Variants in ATP8A1 observed in about 807,000 individuals in gnomAD.
ATP8A1 encodes the protein phospholipid-transporting ATPase IA.
ATP8A1 carries 90 observed loss-of-function variants against 177.7 expected under a neutral mutation model. That is an observed-to-expected ratio of 0.51 (90% CI 0.43 to 0.60). The LOEUF is 0.60. Among genes scored for constraint, ATP8A1 ranks in the 20% least tolerant of loss-of-function variants. The probability of loss-of-function intolerance (pLI) is 0.00; values close to 1 mark genes in which losing one functional copy is unlikely to be tolerated. For synonymous variants in ATP8A1, 493 were observed against 485.9 expected (o/e 1.01, Z -0.19); for missense variants, 1,072 against 1,392.8 (o/e 0.77, Z 3.67).
intron 15 of ATP8A1, among the ~76,000 whole-genome samples, chr4:42,563,293 T>C (rs1001522187): frequency 2.0e-5 from 3 of 152,288 alleles, no homozygotes; most frequent in Admixed American, 6.5e-5. Context: ...CCCTAGAGAT[T>C]TGTGGAACTT....
chr4:42,517,021 C>T (rs1278483721), intron 22 of ATP8A1, among the ~76,000 whole-genome samples: 1 of 152,106 alleles, frequency 6.6e-6, no homozygotes, highest in Non-Finnish European at 1.5e-5. Context: ...CTGATTTAGG[C>T]CAGGCACGGT....
intron 35 of ATP8A1, among the ~76,000 whole-genome samples, chr4:42,419,821 G>C (rs917134892): frequency 6.6e-6 from 1 of 152,214 alleles, no homozygotes; most frequent in East Asian, 1.9e-4. Context: ...GGCCAACATA[G>C]TGAAACCCCG....
intron 36 of ATP8A1, 119 bp downstream of exon 36, chr4:42,414,508 C>A: frequency 1.1e-6 from 1 of 875,430 alleles, no homozygotes; most frequent in Non-Finnish European, 1.8e-6. Context: ...TACAAATATG[C>A]AAAACTTATT....
intron 4 of ATP8A1, among the ~76,000 whole-genome samples, chr4:42,618,572 G>A (rs1737141483): frequency 6.6e-6 from 1 of 152,126 alleles, no homozygotes; most frequent in South Asian, 2.1e-4. Flanking sequence ...TAATACCTTT[G>A]TCTCCCTCTC....
intron 30 of ATP8A1, among the ~76,000 whole-genome samples, chr4:42,449,186 T>C (rs1315693466): frequency 6.6e-6 from 1 of 152,248 alleles, no homozygotes; most frequent in African/African-American, 2.4e-5. Flanking sequence ...CTGCAGTCTC[T>C]GGTTCAATCC....
chr4:42,509,209 A>T (rs971050258), intron 22 of ATP8A1, among the ~76,000 whole-genome samples: 1 of 152,248 alleles, frequency 6.6e-6, no homozygotes, highest in Non-Finnish European at 1.5e-5. Flanking sequence ...TAAAGGCCAT[A>T]TAGAAGACAA....
chr4:42,579,927 C>T lies in ATP8A1; in HGVS notation c.886G>A (p.Val296Ile). The T allele has an allele frequency of 6.2e-7, 1 of 1,612,572 alleles. No homozygotes were observed. Among genetic ancestry groups the T allele is most frequent in the Non-Finnish European group, 8.5e-7 (1 of 1,179,044 alleles). The stretch of plus-strand genomic sequence containing the variant: ...ATACAAAATAAAATCAAAATTTGTA[C>T]ATTTGTAATCCGTTCCACATTTGAG... ...KLSNVERITN[V>I]QILILFCILI... is the part of the protein sequence containing the mutation. The change falls in exon 11 of 37, where the codon GTA becomes ATA. Residue 296 changes from valine (V) to isoleucine (I), a missense_variant. Val to Ile is a conservative substitution (Grantham distance 29). This residue lies in a region of ATP8A1 where 344 missense variants were observed against 393.5 expected (regional missense o/e 0.87). Transcript: ENST00000381668.
At chr4:42,634,463 T>G (rs1739071157) in intron 1 of ATP8A1, among the ~76,000 whole-genome samples, 1 of 152,226 alleles carries the variant, frequency 6.6e-6, no homozygotes, top group Non-Finnish European at 1.5e-5. Context: ...AATAGAATTC[T>G]CTTTACAGCC....
chr4:42,443,757 TTAAC>T (rs1716901663), intron 32 of ATP8A1, 85 bp from the exon 33 acceptor site: 1 of 671,412 alleles, frequency 1.5e-6, no homozygotes, highest in Admixed American at 2.5e-5. Context: ...AATTCCCTTA[TTAAC>T]TTTTTATTAT....
intron 1 of ATP8A1, among the ~76,000 whole-genome samples, chr4:42,650,730 G>C (rs116292327): frequency 0.023 from 3,468 of 152,238 alleles, 56 homozygotes; most frequent in Non-Finnish European, 0.036. Context: ...GTATTCAACA[G>C]AAGAAAACAC....
At position 42,464,706 on chromosome 4, in the gene ATP8A1, A is replaced by T; in HGVS notation, c.2603T>A (p.Val868Glu). 1.3e-6 allele frequency: 2 copies of T among 1,589,670 alleles called. No individual in the cohort carries two copies. Among genetic ancestry groups the T allele is most frequent in the Non-Finnish European group, 1.7e-6 (2 of 1,158,902 alleles). The change falls in exon 27 of 37, where the codon GTG (valine) becomes GAG (glutamate). Residue 868 changes from valine (V) to glutamate (E), a missense_variant. Coordinates refer to ENST00000381668, the MANE Select transcript of ATP8A1 (RefSeq NM_006095.2). ...TGCTATTACCTCGATAATATAGAGCACTATATTCTTGTAGAAGCAGTATAA... is the reference window on the plus strand; with the variant it reads ...TGCTATTACCTCGATAATATAGAGCTCTATATTCTTGTAGAAGCAGTATAA... Reference protein sequence around the residue: ...CILYCFYKNIVLYIIEIWFAF... With the variant: ...CILYCFYKNIELYIIEIWFAF...
chr4:42,630,846 T>C (rs1224191092), intron 1 of ATP8A1, among the ~76,000 whole-genome samples: 1 of 152,172 alleles, frequency 6.6e-6, no homozygotes, highest in Non-Finnish European at 1.5e-5. Context: ...TGACCTTAGA[T>C]AGTTACTTAC....
At chr4:42,507,332 T>C (rs1369303463) in intron 22 of ATP8A1, among the ~76,000 whole-genome samples, 178 bp from the exon 23 acceptor site, 1 of 152,194 alleles carries the variant, frequency 6.6e-6, no homozygotes, top group Non-Finnish European at 1.5e-5. Flanking sequence ...ATGCAGTCTT[T>C]AGGCATTACA....
intron 35 of ATP8A1, among the ~76,000 whole-genome samples, chr4:42,419,542 G>A (rs1713625951): frequency 6.6e-6 from 1 of 152,152 alleles, no homozygotes; most frequent in African/African-American, 2.4e-5. Flanking sequence ...GGAAAGCTGG[G>A]AATTGGAGTG....
intron 33 of ATP8A1, among the ~76,000 whole-genome samples, chr4:42,441,744 T>C (rs1225168691): frequency 6.6e-6 from 1 of 152,178 alleles, no homozygotes; most frequent in Non-Finnish European, 1.5e-5. Flanking sequence ...ATTCTTCTTT[T>C]GTTTGAATAA....
chr4:42,566,361 T>C (rs1033590670), intron 15 of ATP8A1, among the ~76,000 whole-genome samples: 4 of 152,210 alleles, frequency 2.6e-5, no homozygotes, highest in African/African-American at 4.8e-5. Context: ...CTTTCAGATT[T>C]TGGATTTATA....
rs1716175261 is a variant in ATP8A1, at chr4:42,437,932, ACTT to A, written c.3123+5630_3123+5632del. Among the ~76,000 whole-genome samples the A allele has an allele frequency of 1.3e-5, 2 of 152,196 alleles. 1 individual carries two copies. Among genetic ancestry groups the A allele is most frequent in the South Asian group, 4.1e-4 (2 of 4,832 alleles). On this transcript the variant is annotated intron_variant, in intron 33 of 36. Transcript: ENST00000381668. Reference sequence around the variant, plus strand: ...AAAGCTATCTGATGCCCTGAAAAGAACTTCTGGGCAGAGACAAAGGCAGCTAAG... The same window carrying A: ...AAAGCTATCTGATGCCCTGAAAAGAACTGGGCAGAGACAAAGGCAGCTAAG...
At chr4:42,420,556 T>C (rs1380109022) in intron 35 of ATP8A1, among the ~76,000 whole-genome samples, 1 of 152,110 alleles carries the variant, frequency 6.6e-6, no homozygotes, top group Non-Finnish European at 1.5e-5. Context: ...GTTTAGGACC[T>C]GGGGGTCATT....
intron 5 of ATP8A1, among the ~76,000 whole-genome samples, chr4:42,606,836 G>C (rs1735843261): frequency 6.6e-6 from 1 of 152,164 alleles, no homozygotes; most frequent in Admixed American, 6.5e-5. Flanking sequence ...GGGCATTTGA[G>C]TTTGTAATTT....
Sources: gnomAD v4.1 joint callset for allele counts (sites outside exome capture counted in the v4.1 genomes callset) on GRCh38, gnomAD v4.1.1 for gene constraint, gnomAD v4.1.1 regional missense constraint, MANE v1.5 for transcripts, NCBI Gene and HGNC (gene_info 2026-07-23, HGNC 2026-07-21) for gene names.